The following NUGGC variants were observed in gnomAD, a reference collection of about 807,000 sequenced individuals.
NUGGC encodes the protein nuclear GTPase SLIP-GC.
Under a neutral mutation model 92.6 loss-of-function variants are expected in NUGGC, and 58 were observed. The ratio of observed to expected loss-of-function variants is 0.63; its 90% CI spans 0.51 to 0.78. The LOEUF is 0.78. Ranked by LOEUF, NUGGC falls within the 30% of genes least tolerant of loss-of-function variation. NUGGC has a pLI of 0.00. For missense variants in NUGGC, 925 were observed against 964.6 expected (o/e 0.96, Z 0.54); for synonymous variants, 376 against 366.4 (o/e 1.03, Z -0.30).
chr8:28,041,890 C>T (rs1398738209), intron 12 of NUGGC, among the ~76,000 whole-genome samples: 1 of 152,032 alleles, frequency 6.6e-6, no homozygotes, highest in East Asian at 1.9e-4. Flanking sequence ...CCCCTAGGTG[C>T]CTGATATGGT....
rs540247086 is a variant in NUGGC, at chr8:28,031,440, A to G, written c.1770-59T>C. On this transcript the variant is annotated intron_variant, in intron 14 of 18. Coordinates refer to ENST00000413272, the MANE Select transcript of NUGGC (RefSeq NM_001010906.2). ...ATGGTGGCTGCTGTGAGGCTGAAAC[A>G]AACACGAAACTAGCTGGTGTCCTTT... The G allele has an allele frequency of 2.7e-6, 4 of 1,498,536 alleles. No homozygotes were observed. In the African/African-American group the frequency reaches 5.6e-5, roughly 21 times the overall value. 92.8% of individuals were successfully genotyped at this position (1,498,536 alleles called of 1,614,324 possible).
chr8:28,081,719 A>C (rs976742442), intron 1 of NUGGC, among the ~76,000 whole-genome samples: 8 of 152,144 alleles, frequency 5.3e-5, no homozygotes, highest in Non-Finnish European at 7.4e-5. Context: ...TCTACTAAAA[A>C]TACAAAAAAT....
intron 2 of NUGGC, 140 bp downstream of exon 2, chr8:28,074,228 T>C: frequency 3.0e-6 from 2 of 664,814 alleles, no homozygotes; most frequent in Non-Finnish European, 2.8e-6. Flanking sequence ...CTATTTAAAC[T>C]TGTCACGAGA....
chr8:28,070,031 CTGGAAGAAGTTAT>C (rs1810547042), intron 3 of NUGGC: 1 of 873,306 alleles, frequency 1.1e-6, no homozygotes, highest in Non-Finnish European at 1.4e-6. Context: ...TTGTTCTAAT[CTGGAAGAAGTTAT>C]TTTGATAACA....
chr8:28,064,375 G>T, intron 7 of NUGGC, 147 bp downstream of exon 7: 2 of 708,844 alleles, frequency 2.8e-6, no homozygotes, highest in Non-Finnish European at 4.8e-6. Flanking sequence ...CCCTGCCAGG[G>T]CCTTGAGACT....
At chr8:28,083,382 C>A (rs1810897224) in intron 1 of NUGGC, among the ~76,000 whole-genome samples, 1 of 152,190 alleles carries the variant, frequency 6.6e-6, no homozygotes, top group African/African-American at 2.4e-5. Context: ...AAATACCCAA[C>A]CAGTACTCCT....
rs906224655 is a variant in NUGGC, at chr8:28,045,729, G to T, written c.1313-69C>A. 9 of 1,526,394 alleles carry T rather than the reference G, an allele frequency of 5.9e-6. No homozygotes were observed. The African/African-American group carries it at 1.1e-4, about 19-fold the overall frequency. 94.6% of individuals were successfully genotyped at this position (1,526,394 alleles called of 1,614,324 possible). The stretch of plus-strand genomic sequence containing the variant: ...TTTGTGGTCAATAGAATTCATAAAA[G>T]TTGAAAGACCAAGGTGGCGATATGA... On this transcript the variant is annotated intron_variant, in intron 11 of 18. Coordinates refer to ENST00000413272, the MANE Select transcript of NUGGC (RefSeq NM_001010906.2).
intron 10 of NUGGC, among the ~76,000 whole-genome samples, chr8:28,049,674 G>A (rs542547946): frequency 6.6e-6 from 1 of 152,292 alleles, no homozygotes; most frequent in Non-Finnish European, 1.5e-5. Flanking sequence ...TTATGCAACA[G>A]AAACATTACA....
intron 9 of NUGGC, among the ~76,000 whole-genome samples, chr8:28,057,676 CTTATT>C (rs1563224819): frequency 6.6e-6 from 1 of 152,024 alleles, no homozygotes; most frequent in Non-Finnish European, 1.5e-5. Flanking sequence ...CTCTAGCTTA[CTTATT>C]TTAAGAATAC....
At chr8:28,074,953 GTC>G (rs1326144743) in intron 1 of NUGGC, among the ~76,000 whole-genome samples, 2 of 151,968 alleles carry the variant, frequency 1.3e-5, no homozygotes, top group African/African-American at 4.8e-5. Flanking sequence ...AAAAAAAAGA[GTC>G]TAAACCAGTA....
chr8:28,081,231 G>C (rs1245975318), intron 1 of NUGGC, among the ~76,000 whole-genome samples: 1 of 152,036 alleles, frequency 6.6e-6, no homozygotes, highest in Non-Finnish European at 1.5e-5. Flanking sequence ...AGGCAGGAGA[G>C]TCACTTGAAG....
intron 3 of NUGGC, 105 bp from the exon 4 acceptor site, chr8:28,069,757 A>AG: frequency 1.4e-6 from 1 of 739,308 alleles, no homozygotes; most frequent in Non-Finnish European, 2.4e-6. Flanking sequence ...GAAAAAAAAA[A>AG]TGAAATGAAA....
chr8:28,030,307 C>T lies in NUGGC; in HGVS notation c.2017+3G>A. On this transcript the variant is annotated splice_donor_region_variant and intron_variant, in intron 16 of 18. Coordinates refer to ENST00000413272, the MANE Select transcript of NUGGC (RefSeq NM_001010906.2). Reference sequence around the variant, plus strand: ...CAGAAATGCTGTCCTCCGCAGCCCCCACCTTCGTAACAGAGCTTCAGGTCA... The same window carrying T: ...CAGAAATGCTGTCCTCCGCAGCCCCTACCTTCGTAACAGAGCTTCAGGTCA... The T allele has an allele frequency of 6.6e-7, 1 of 1,509,698 alleles. No homozygotes were observed. The highest frequency in any genetic ancestry group is 9.1e-7 in the Non-Finnish European group (1 of 1,103,184). The allele number at this position is 1,509,698 out of a possible 1,614,324, so 93.5% of individuals were successfully genotyped here.
chr8:28,031,496 A>G, intron 14 of NUGGC, 115 bp from the exon 15 acceptor site: 1 of 1,002,978 alleles, frequency 1.0e-6, no homozygotes, highest in Admixed American at 2.4e-5. Flanking sequence ...GATGAAATCT[A>G]ACAGTTATCA....
At chr8:28,046,136 A>G (rs1400765081) in intron 11 of NUGGC, among the ~76,000 whole-genome samples, 1 of 152,142 alleles carries the variant, frequency 6.6e-6, no homozygotes, top group Non-Finnish European at 1.5e-5. Context: ...TTCCTGTCAC[A>G]TCCTAACCCA....
intron 7 of NUGGC, among the ~76,000 whole-genome samples, chr8:28,064,012 T>C (rs1048310020): frequency 2.0e-5 from 3 of 152,116 alleles, no homozygotes; most frequent in Admixed American, 6.5e-5. Context: ...CCCCAGAACT[T>C]TTCCAGGCAT....
At position 28,041,161 on chromosome 8, in the gene NUGGC, G is replaced by GCTCGGCCTTCTCCAGCAC. The variant is rs1218958405; in HGVS notation, c.1500_1501insGTGCTGGAGAAGGCCGAG (p.Glu500_Leu501insValLeuGluLysAlaGlu). Reference sequence around the variant, plus strand: ...CACTGTGCGATGGCCTTCTCCAGCAGCTCAACCTTCTCTTCCGCAAATCTC... The same window carrying GCTCGGCCTTCTCCAGCAC: ...CACTGTGCGATGGCCTTCTCCAGCAGCTCGGCCTTCTCCAGCACCTCAACCTTCTCTTCCGCAAATCTC... On this transcript the variant is annotated inframe_insertion, in exon 13 of 19. Coordinates refer to ENST00000413272, the MANE Select transcript of NUGGC (RefSeq NM_001010906.2). The GCTCGGCCTTCTCCAGCAC allele has an allele frequency of 3.7e-6, 6 of 1,611,062 alleles. No individual in the cohort carries two copies. In the Admixed American group the frequency reaches 1.0e-4, roughly 27 times the overall value.
chr8:28,045,493 G>T (rs191447664), intron 12 of NUGGC, 34 bp downstream of exon 12: 30 of 1,598,538 alleles, frequency 1.9e-5, no homozygotes, highest in Non-Finnish European at 2.6e-5. Context: ...TGCCCAGGAA[G>T]GGGGAGAATA....
At chr8:28,058,739 G>A (rs1461291582) in intron 8 of NUGGC, among the ~76,000 whole-genome samples, 3 of 149,496 alleles carry the variant, frequency 2.0e-5, no homozygotes, top group African/African-American at 7.4e-5. Context: ...GTCTCACTCT[G>A]TTGCCCAGGC....
Sources: gnomAD v4.1 joint callset for allele counts (sites outside exome capture counted in the v4.1 genomes callset) on GRCh38, gnomAD v4.1.1 for gene constraint, MANE v1.5 for transcripts, NCBI Gene and HGNC (gene_info 2026-07-23, HGNC 2026-07-21) for gene names.